Variants in CLIP1 observed in about 807,000 individuals in gnomAD.
CLIP1 encodes the protein CAP-Gly domain containing linker protein 1.
CLIP1 carries 66 observed loss-of-function variants against 161.6 expected under a neutral mutation model. That is an observed-to-expected ratio of 0.41 (90% confidence interval 0.33 to 0.50). CLIP1 has a LOEUF of 0.50. Ranked by LOEUF, CLIP1 falls within the 20% of genes least tolerant of loss-of-function variation. The pLI, the probability that CLIP1 is intolerant of heterozygous loss-of-function variation, is 0.27. For missense variants in CLIP1, 1,376 were observed against 1,702.0 expected (o/e 0.81, Z 3.37); for synonymous variants, 598 against 626.2 (o/e 0.96, Z 0.67).
At chr12:122,422,005 C>T (rs1254463324) in intron 1 of CLIP1, among the ~76,000 whole-genome samples, 1 of 152,178 alleles carries the variant, frequency 6.6e-6, no homozygotes, top group Non-Finnish European at 1.5e-5. Context: ...GCCGGGGCAG[C>T]GGGGGAGGCC....
intron 3 of CLIP1, among the ~76,000 whole-genome samples, chr12:122,364,542 A>ACC (rs888569141): frequency 6.6e-6 from 1 of 151,828 alleles, no homozygotes; most frequent in African/African-American, 2.4e-5. Flanking sequence ...AGCTGAAACT[A>ACC]CAGGTGCACA....
chr12:122,296,984 T>C (rs1264786147), intron 20 of CLIP1, among the ~76,000 whole-genome samples: 1 of 152,090 alleles, frequency 6.6e-6, no homozygotes, highest in East Asian at 1.9e-4. Flanking sequence ...AGATTCATTG[T>C]ACTGCTCACT....
intron 3 of CLIP1, among the ~76,000 whole-genome samples, chr12:122,372,871 GC>G (rs925623383): frequency 2.0e-5 from 3 of 152,072 alleles, no homozygotes; most frequent in Non-Finnish European, 4.4e-5. Context: ...CCCAAAAAGA[GC>G]CCAAGAATTC....
intron 1 of CLIP1, among the ~76,000 whole-genome samples, chr12:122,387,572 ATATATATATATATATATATTTTT>A (rs1233596539): frequency 8.9e-3 from 71 of 8,008 alleles, no homozygotes; most frequent in African/African-American, 0.023. Flanking sequence ...ATATATATAT[ATATATATATATATATATATTTTT>A]TTTTTTTTTT....
Position 122,340,793 on chromosome 12 carries a change from ATC to A in CLIP1, c.2409_2410del (p.Gln803HisfsTer2). The A allele has an allele frequency of 6.2e-7, 1 of 1,605,766 alleles. No individual in the cohort carries two copies. Among genetic ancestry groups the A allele is most frequent in the Non-Finnish European group, 8.5e-7 (1 of 1,176,738 alleles). ...ATTCTTTTCAATCTCTAAATGTTTA[ATC>A]TGTTTCTCAGCTGCCTCAAGCTGCT... On this transcript the variant is annotated frameshift_variant, in exon 11 of 26. Coordinates refer to ENST00000620786, the MANE Select transcript of CLIP1 (RefSeq NM_001247997.2). LOFTEE classifies it high-confidence loss of function.
intron 20 of CLIP1, among the ~76,000 whole-genome samples, chr12:122,308,116 T>C (rs544946939): frequency 6.6e-6 from 1 of 152,266 alleles, no homozygotes; most frequent in African/African-American, 2.4e-5. Flanking sequence ...GGAGCCCAAG[T>C]CAGGCAAAGA....
intron 11 of CLIP1, among the ~76,000 whole-genome samples, chr12:122,337,365 T>G (rs1285730669): frequency 1.3e-5 from 2 of 151,020 alleles, no homozygotes; most frequent in Non-Finnish European, 2.9e-5. Context: ...AAGAATCGCT[T>G]GAGCCTGGGA....
Position 122,272,818 on chromosome 12 carries a change from T to TA in CLIP1, c.*56dup. 1 of 1,400,692 alleles carries TA rather than the reference T, an allele frequency of 7.1e-7. No individual in the cohort carries two copies. The highest frequency in any genetic ancestry group is 1.0e-6 in the Non-Finnish European group (1 of 985,992). The allele number at this position is 1,400,692 out of a possible 1,614,324, so 86.8% of individuals were successfully genotyped here. A position where few individuals can be genotyped will look rare whatever the true frequency, so the allele number is the denominator to read the frequency against. On this transcript the variant is annotated 3_prime_UTR_variant, in exon 26 of 26. Coordinates refer to ENST00000620786, the MANE Select transcript of CLIP1 (RefSeq NM_001247997.2). ...AAGTCTGCACACACAATGCTGGTGTTACGTTGTGTCAATGCGAGTGCGTCT... is the reference window on the plus strand; with the variant it reads ...AAGTCTGCACACACAATGCTGGTGTTAACGTTGTGTCAATGCGAGTGCGTCT...
At chr12:122,376,766 G>T (rs957613867) in intron 3 of CLIP1, among the ~76,000 whole-genome samples, 2 of 151,748 alleles carry the variant, frequency 1.3e-5, no homozygotes, top group African/African-American at 4.9e-5. Flanking sequence ...CACGGCACCT[G>T]GCCAAGAAAA....
intron 3 of CLIP1, among the ~76,000 whole-genome samples, chr12:122,369,041 C>T (rs1171578304): frequency 4.0e-5 from 6 of 149,946 alleles, no homozygotes; most frequent in Non-Finnish European, 7.4e-5. Context: ...CTTTTTGAGA[C>T]GGAGTTTCGC....
intron 1 of CLIP1, among the ~76,000 whole-genome samples, chr12:122,383,203 G>A (rs1955084246): frequency 6.6e-6 from 1 of 152,218 alleles, no homozygotes; most frequent in Admixed American, 6.5e-5. Flanking sequence ...ACAGAGAACA[G>A]ACGGAGCAGG....
chr12:122,412,735 T>G (rs1956588840), intron 1 of CLIP1, among the ~76,000 whole-genome samples: 2 of 152,102 alleles, frequency 1.3e-5, no homozygotes, highest in South Asian at 4.1e-4. Flanking sequence ...GGATAATTTG[T>G]TTTTTTCTGT....
intron 21 of CLIP1, among the ~76,000 whole-genome samples, chr12:122,286,896 G>A (rs545623781): frequency 5.7e-4 from 87 of 152,238 alleles, no homozygotes; most frequent in Middle Eastern, 3.4e-3. Flanking sequence ...TACTCAGGAG[G>A]GGGAGGCAGG....
intron 1 of CLIP1, among the ~76,000 whole-genome samples, chr12:122,393,150 G>T (rs1457781459): frequency 1.3e-5 from 2 of 149,708 alleles, no homozygotes; most frequent in East Asian, 2.0e-4. Context: ...AAAATTCACT[G>T]CAGATTGGCA....
chr12:122,351,167 A>G, intron 8 of CLIP1, 24 bp from the exon 9 acceptor site: 2 of 1,408,100 alleles, frequency 1.4e-6, no homozygotes, highest in East Asian at 2.5e-5. Flanking sequence ...AATAAAAAAA[A>G]TTAAACAACA....
At chr12:122,307,003 T>C (rs1950899276) in intron 20 of CLIP1, among the ~76,000 whole-genome samples, 1 of 73,074 alleles carries the variant, frequency 1.4e-5, no homozygotes, top group South Asian at 7.5e-4. Flanking sequence ...GTTCACTTTT[T>C]TTTTTTTTTT....
chr12:122,299,612 C>CAAAAAGAAAAAAAA (rs1950601164), intron 20 of CLIP1, among the ~76,000 whole-genome samples: 1 of 62,500 alleles, frequency 1.6e-5, no homozygotes, highest in Non-Finnish European at 2.9e-5. Context: ...ATAAATTCAG[C>CAAAAAGAAAAAAAA]AAAAAAAAAA....
intron 2 of CLIP1, 79 bp downstream of exon 2, chr12:122,380,289 T>A: frequency 1.2e-6 from 1 of 867,396 alleles, no homozygotes; most frequent in Non-Finnish European, 1.8e-6. Context: ...TATGAACAGA[T>A]ATAAAATAAT....
At chr12:122,300,437 A>C (rs1950638181) in intron 20 of CLIP1, among the ~76,000 whole-genome samples, 1 of 152,194 alleles carries the variant, frequency 6.6e-6, no homozygotes, top group African/African-American at 2.4e-5. Flanking sequence ...GAGAGCAAAA[A>C]AATGTTATTT....
Sources: allele counts gnomAD v4.1 joint callset (sites outside exome capture counted in the v4.1 genomes callset), GRCh38; gene constraint gnomAD v4.1.1; transcripts MANE v1.5; gene names NCBI Gene and HGNC (gene_info 2026-07-23, HGNC 2026-07-21).